The following USP13 variants were observed in gnomAD, a reference collection of about 807,000 sequenced individuals.
The protein encoded by USP13 is ubiquitin specific peptidase 13.
Under a neutral mutation model 107.8 loss-of-function variants are expected in USP13, and 68 were observed. The ratio of observed to expected loss-of-function variants is 0.63; its 90% CI spans 0.52 to 0.77. The LOEUF is 0.77. USP13 is among the 30% of genes least tolerant of loss of function. The pLI, the probability that USP13 is intolerant of heterozygous loss-of-function variation, is 0.00. For missense variants in USP13, 945 were observed against 1,093.3 expected (o/e 0.86, Z 1.91); for synonymous variants, 377 against 389.5 (o/e 0.97, Z 0.38).
intron 18 of USP13, 133 bp downstream of exon 18, chr3:179,764,301 AT>A (rs1283750480): frequency 3.5e-5 from 46 of 1,319,352 alleles, no homozygotes; most frequent in Non-Finnish European, 4.4e-5. Context: ...GAATCTCATC[AT>A]AGCCCATAAA....
intron 6 of USP13, among the ~76,000 whole-genome samples, chr3:179,718,455 T>C (rs1162813538): frequency 6.6e-6 from 1 of 152,096 alleles, no homozygotes. Context: ...TGTACCTCGC[T>C]GGTGTCCTGA....
intron 19 of USP13, among the ~76,000 whole-genome samples, chr3:179,767,451 G>C: frequency 6.7e-6 from 1 of 149,184 alleles, no homozygotes; most frequent in African/African-American, 2.5e-5. Flanking sequence ...TTGAGACAGA[G>C]TCTCACTCCA....
chr3:179,779,055 G>A (rs62291562), intron 19 of USP13, among the ~76,000 whole-genome samples: 23 of 152,188 alleles, frequency 1.5e-4, no homozygotes, highest in African/African-American at 5.3e-4. Flanking sequence ...GTCAGGGCTT[G>A]CCAAGCATGT....
Position 179,740,347 on chromosome 3 carries a change from T to C in USP13, c.1355T>C (p.Phe452Ser). The C allele has an allele frequency of 6.2e-7, 1 of 1,614,102 alleles. No homozygotes were observed. The highest frequency in any genetic ancestry group is 8.5e-7 in the Non-Finnish European group (1 of 1,180,012). ...SNRQQDAQEFFLHLVNLVERN... is the reference protein window; with the variant it reads ...SNRQQDAQEFSLHLVNLVERN... Reference sequence around the variant, plus strand: ...AGGCAGCAAGATGCCCAGGAATTCTTCTTGCACCTGGTGAATCTAGTAGAG... The same window carrying C: ...AGGCAGCAAGATGCCCAGGAATTCTCCTTGCACCTGGTGAATCTAGTAGAG... Residue 452 changes from phenylalanine (F) to serine (S), a missense_variant, in exon 11 of 21, where the codon TTC (phenylalanine) becomes TCC (serine). Physicochemically the swap from Phe to Ser is radical, Grantham distance 155. Transcript: ENST00000263966.
intron 3 of USP13, among the ~76,000 whole-genome samples, chr3:179,692,020 CAT>C (rs1712133109): frequency 6.6e-6 from 1 of 152,162 alleles, no homozygotes. Flanking sequence ...CATACATATA[CAT>C]ATGTATATAC....
At position 179,653,517 on chromosome 3, in the gene USP13, G is replaced by C. The variant is rs1014067886; in HGVS notation, c.168+124G>C. The C allele has an allele frequency of 7.5e-7, 1 of 1,334,508 alleles. No homozygotes were observed. The highest frequency in any genetic ancestry group is 1.0e-6 in the Non-Finnish European group (1 of 984,860). The allele number at this position is 1,334,508 out of a possible 1,614,324, so 82.7% of individuals were successfully genotyped here. On this transcript the variant is annotated intron_variant, in intron 1 of 20. Coordinates refer to ENST00000263966, the MANE Select transcript of USP13 (RefSeq NM_003940.3). This position sits in a 1 kb window ranked among gnomAD's most constrained non-coding sequence, Gnocchi z 4.0. Reference sequence around the variant, plus strand: ...TCCTCCGGGCGGCAGAGTTGGCTCAGGAACACTGCAGTTCGGCAGACACTT... The same window carrying C: ...TCCTCCGGGCGGCAGAGTTGGCTCACGAACACTGCAGTTCGGCAGACACTT...
Position 179,740,306 on chromosome 3 carries a change from G to A in USP13, c.1314G>A (p.Pro438=), listed in dbSNP as rs769524743. The A allele has an allele frequency of 8.7e-6, 14 of 1,614,066 alleles. No individual in the cohort carries two copies. In the South Asian group the frequency reaches 1.1e-4, roughly 13 times the overall value. ...AGGCCTTTGTAAGCAAGAGCCACCC[G>A]GAATTCTCCTCTAACAGGCAGCAAG... is the stretch of plus-strand genomic sequence containing the variant. ...MFKAFVSKSH[P]EFSSNRQQDA... is the part of the protein sequence containing the mutation. Residue 438 remains proline (P), a synonymous_variant, in exon 11 of 21, where the codon CCG becomes CCA. Coordinates refer to ENST00000263966, the MANE Select transcript of USP13 (RefSeq NM_003940.3).
chr3:179,677,412 C>T (rs1711511332), intron 1 of USP13, among the ~76,000 whole-genome samples: 1 of 151,836 alleles, frequency 6.6e-6, no homozygotes, highest in Non-Finnish European at 1.5e-5. Context: ...GAAACCCCGT[C>T]TCTACTGAAA....
At chr3:179,667,181 T>C (rs1048649916) in intron 1 of USP13, among the ~76,000 whole-genome samples, 1 of 152,194 alleles carries the variant, frequency 6.6e-6, no homozygotes, top group African/African-American at 2.4e-5. Flanking sequence ...TTACGGAGTC[T>C]TGGGGTTGCC....
At chr3:179,766,211 C>G (rs1205980556) in intron 19 of USP13, among the ~76,000 whole-genome samples, 2 of 152,084 alleles carry the variant, frequency 1.3e-5, no homozygotes, top group African/African-American at 2.4e-5. Context: ...ATCTCCTGAC[C>G]TCGTGATATG....
intron 5 of USP13, among the ~76,000 whole-genome samples, chr3:179,708,020 T>C (rs116044884): frequency 0.011 from 1,740 of 152,338 alleles, 34 homozygotes; most frequent in African/African-American, 0.04. Context: ...CTAATTAATT[T>C]AGATTTGCAG....
At chr3:179,724,485 T>G (rs1003873024) in intron 8 of USP13, among the ~76,000 whole-genome samples, 26 of 139,712 alleles carry the variant, frequency 1.9e-4, no homozygotes, top group Admixed American at 1.6e-3. Flanking sequence ...AAGAAAGAAA[T>G]AATAATAAGA....
rs201209313 is a variant in USP13 at position 179,765,731 on chromosome 3, A to T, written c.2296A>T (p.Ser766Cys). 6.2e-7 allele frequency: 1 copy of T among 1,614,200 alleles called. No individual in the cohort carries two copies. The highest frequency in any genetic ancestry group is 8.5e-7 in the Non-Finnish European group (1 of 1,180,008). ...NLERALDWIF[S>C]HPEFEEDSDF... ...GGAAAGAGCACTGGATTGGATCTTT[A>T]GCCACCCTGAGTTTGAAGAAGACAG... The change falls in exon 19 of 21, where the codon AGC becomes TGC. Residue 766 changes from serine (S) to cysteine (C), a missense_variant. Coordinates refer to ENST00000263966, the MANE Select transcript of USP13 (RefSeq NM_003940.3).
Position 179,653,516 on chromosome 3 carries a change from A to C in USP13, c.168+123A>C. On this transcript the variant is annotated intron_variant, in intron 1 of 20. Transcript: ENST00000263966. This position sits in a 1 kb window ranked among gnomAD's most constrained non-coding sequence, Gnocchi z 4.0. ...TTCCTCCGGGCGGCAGAGTTGGCTCAGGAACACTGCAGTTCGGCAGACACT... is the reference window on the plus strand; with the variant it reads ...TTCCTCCGGGCGGCAGAGTTGGCTCCGGAACACTGCAGTTCGGCAGACACT... 1 of 1,345,056 alleles carries C rather than the reference A, an allele frequency of 7.4e-7. No individual in the cohort carries two copies. Among genetic ancestry groups the C allele is most frequent in the Non-Finnish European group, 1.0e-6 (1 of 992,968 alleles). 83.3% of individuals were successfully genotyped at this position (1,345,056 alleles called of 1,614,324 possible).
intron 15 of USP13, among the ~76,000 whole-genome samples, chr3:179,755,934 C>T (rs1385262749): frequency 6.6e-6 from 1 of 152,106 alleles, no homozygotes; most frequent in African/African-American, 2.4e-5. Flanking sequence ...TTCTCTAACG[C>T]TGGGTCAAAT....
chr3:179,724,223 C>T (rs1346017554), intron 8 of USP13, among the ~76,000 whole-genome samples: 2 of 151,468 alleles, frequency 1.3e-5, no homozygotes, highest in African/African-American at 4.9e-5. Flanking sequence ...TTTGGGAGGC[C>T]GAGGTGGACA....
chr3:179,676,395 T>C (rs1576917579), intron 1 of USP13, among the ~76,000 whole-genome samples: 1 of 152,320 alleles, frequency 6.6e-6, no homozygotes, highest in East Asian at 1.9e-4. Context: ...CGCTTTACCA[T>C]GCTTTCTTGG....
intron 17 of USP13, among the ~76,000 whole-genome samples, chr3:179,763,779 T>C (rs1248386958): frequency 6.6e-6 from 1 of 152,120 alleles, no homozygotes; most frequent in Non-Finnish European, 1.5e-5. Context: ...AGAGACAGGA[T>C]TTTGCCATGT....
chr3:179,759,875 T>C (rs925309068), intron 16 of USP13, among the ~76,000 whole-genome samples: 2 of 152,192 alleles, frequency 1.3e-5, no homozygotes, highest in Non-Finnish European at 2.9e-5. Flanking sequence ...GGTTTCACCA[T>C]GTTGGCCAGG....
Sources: gnomAD v4.1 joint callset for allele counts (sites outside exome capture counted in the v4.1 genomes callset) on GRCh38, gnomAD v4.1.1 for gene constraint, Gnocchi (gnomAD v3.1) non-coding constraint, MANE v1.5 for transcripts, NCBI Gene and HGNC (gene_info 2026-07-23, HGNC 2026-07-21) for gene names.